Variants in FIGN observed in about 807,000 individuals in gnomAD.
FIGN encodes fidgetin, microtubule severing factor.
A neutral mutation model predicts 51.3 loss-of-function variants in FIGN; 11 were observed. The observed-to-expected ratio is 0.21, with a 90% CI of 0.13 to 0.35. The LOEUF (loss-of-function observed/expected upper bound fraction) is 0.35, where lower values mean the gene tolerates loss of function less well. Among genes scored for constraint, FIGN ranks in the 10% least tolerant of loss-of-function variants. The pLI is 1.00. For missense variants in FIGN, 857 were observed against 943.6 expected (o/e 0.91, Z 1.20); for synonymous variants, 407 against 363.2 (o/e 1.12, Z -1.37).
At chr2:163,731,197 C>T (rs1684923695) in intron 2 of FIGN, among the ~76,000 whole-genome samples, 1 of 152,088 alleles carries the variant, frequency 6.6e-6, no homozygotes, top group South Asian at 2.1e-4. Flanking sequence ...GACTCTCAAA[C>T]TTTGTGGATC....
In FIGN at chr2:163,604,687, C is replaced by T. The variant is rs999581033; in HGVS notation, c.*4865G>A. On this transcript the variant is annotated 3_prime_UTR_variant, in exon 3 of 3. Transcript: ENST00000333129. ...TTATAAAGAACAATGTTTGAATATACATCAGATGAAAAAAGAAAAAAAAGA... is the reference window on the plus strand; with the variant it reads ...TTATAAAGAACAATGTTTGAATATATATCAGATGAAAAAAGAAAAAAAAGA... 1 of 151,598 alleles carries T rather than the reference C, an allele frequency of 6.6e-6. No individual in the cohort carries two copies. Among genetic ancestry groups the T allele is most frequent in the African/African-American group, 2.4e-5 (1 of 41,290 alleles). The allele number at this position is 151,598 out of a possible 1,614,324, so 9.4% of individuals were successfully genotyped here. A position where few individuals can be genotyped will look rare whatever the true frequency, so the allele number is the denominator to read the frequency against.
chr2:163,654,484 T>G (rs1001185096), intron 2 of FIGN, among the ~76,000 whole-genome samples: 1 of 152,190 alleles, frequency 6.6e-6, no homozygotes, highest in African/African-American at 2.4e-5. Flanking sequence ...TAGATCTATT[T>G]GTGTAGGGTA....
In FIGN at chr2:163,698,023, C is replaced by T. The variant is rs147037381; in HGVS notation, c.25+36880G>A. On this transcript the variant is annotated intron_variant, in intron 2 of 2. Transcript: ENST00000333129. ...TCCCTTCCTGCTCACAGTGCACCAC[C>T]GCCATGGAGTATGCCTCAGAGAGCA... 8.9e-3 allele frequency among the ~76,000 whole-genome samples: 1,349 copies of T among 152,236 alleles called. 24 individuals are homozygous for T. Among genetic ancestry groups the T allele is most frequent in the African/African-American group, 0.031 (1,288 of 41,532 alleles).
intron 2 of FIGN, among the ~76,000 whole-genome samples, chr2:163,698,854 C>T (rs907797811): frequency 4.6e-5 from 7 of 151,990 alleles, no homozygotes; most frequent in Non-Finnish European, 1.0e-4. Context: ...TTTAAGTTCC[C>T]GTCAGTAAGA....
At chr2:163,700,522 T>A (rs1327804467) in intron 2 of FIGN, among the ~76,000 whole-genome samples, 1 of 152,084 alleles carries the variant, frequency 6.6e-6, no homozygotes, top group Non-Finnish European at 1.5e-5. Context: ...TCAGCCTGGA[T>A]GAGAGAAGAT....
intron 2 of FIGN, among the ~76,000 whole-genome samples, chr2:163,709,174 C>T (rs1684549419): frequency 6.6e-6 from 1 of 152,046 alleles, no homozygotes; most frequent in African/African-American, 2.4e-5. Flanking sequence ...GAATACATCA[C>T]CTTGCAGTAA....
chr2:163,618,605 C>T (rs764293246), intron 2 of FIGN, among the ~76,000 whole-genome samples: 5 of 151,604 alleles, frequency 3.3e-5, no homozygotes, highest in African/African-American at 4.8e-5. Context: ...TTAAAAGATC[C>T]GTCTCAAAAA....
chr2:163,690,585 G>A (rs549295585), intron 2 of FIGN, among the ~76,000 whole-genome samples: 1 of 151,520 alleles, frequency 6.6e-6, no homozygotes, highest in Non-Finnish European at 1.5e-5. Context: ...AACAATACCA[G>A]TCTAGTCTAG....
intron 2 of FIGN, among the ~76,000 whole-genome samples, chr2:163,698,964 T>C (rs1684366245): frequency 6.6e-6 from 1 of 152,184 alleles, no homozygotes; most frequent in Non-Finnish European, 1.5e-5. Context: ...TTTTTGTCTC[T>C]CTAGGCAAGG....
At chr2:163,647,374 T>C (rs1242888044) in intron 2 of FIGN, among the ~76,000 whole-genome samples, 1 of 152,176 alleles carries the variant, frequency 6.6e-6, no homozygotes, top group Non-Finnish European at 1.5e-5. Flanking sequence ...TAAGCATATA[T>C]AATCTAATGG....
intron 2 of FIGN, among the ~76,000 whole-genome samples, chr2:163,638,812 G>A (rs562552484): frequency 6.6e-6 from 1 of 151,924 alleles, no homozygotes; most frequent in Non-Finnish European, 1.5e-5. Context: ...ACCCAACCTA[G>A]AGCACATACA....
chr2:163,625,257 C>A lies in FIGN; in HGVS notation c.26-13451G>T, dbSNP rs113248707. ...AATGTATCCCAGATATAAATATATT[C>A]TTATCATTAAGAGGAAAAATGGCAT... On this transcript the variant is annotated intron_variant, in intron 2 of 2. Transcript: ENST00000333129. Among the ~76,000 whole-genome samples, 1,043 of 151,828 alleles carry A rather than the reference C, an allele frequency of 6.9e-3. 14 individuals are homozygous for A. Among genetic ancestry groups the A allele is most frequent in the African/African-American group, 0.024 (992 of 41,428 alleles).
chr2:163,727,060 T>C (rs536036627), intron 2 of FIGN, among the ~76,000 whole-genome samples: 2 of 152,150 alleles, frequency 1.3e-5, no homozygotes, highest in East Asian at 3.9e-4. Context: ...ATCATTGAGG[T>C]ATATTATTTA....
At chr2:163,660,668 TAC>T (rs1683638367) in intron 2 of FIGN, among the ~76,000 whole-genome samples, 1 of 77,256 alleles carries the variant, frequency 1.3e-5, no homozygotes, top group East Asian at 3.1e-4. Flanking sequence ...TATATACATA[TAC>T]ATATATATAT....
intron 2 of FIGN, among the ~76,000 whole-genome samples, chr2:163,633,250 A>G (rs1304306319): frequency 6.6e-6 from 1 of 152,208 alleles, no homozygotes; most frequent in Non-Finnish European, 1.5e-5. Flanking sequence ...ATGAAGTATT[A>G]AGTTCTCTAT....
At chr2:163,633,308 C>T (rs1683175394) in intron 2 of FIGN, among the ~76,000 whole-genome samples, 1 of 152,074 alleles carries the variant, frequency 6.6e-6, no homozygotes. Flanking sequence ...ACTTTTGTTC[C>T]ACTTTCTACG....
intron 2 of FIGN, among the ~76,000 whole-genome samples, chr2:163,711,301 T>G (rs1288253108): frequency 1.3e-5 from 2 of 152,168 alleles, no homozygotes; most frequent in Non-Finnish European, 2.9e-5. Context: ...ATTGAGTAAT[T>G]AAACACCTAT....
chr2:163,688,230 T>C (rs532343839), intron 2 of FIGN, among the ~76,000 whole-genome samples: 19 of 152,248 alleles, frequency 1.2e-4, no homozygotes, highest in Non-Finnish European at 1.8e-4. Flanking sequence ...CCATCACCAG[T>C]GAAATGAGTA....
At chr2:163,688,517 G>A (rs1408247962) in intron 2 of FIGN, among the ~76,000 whole-genome samples, 1 of 152,152 alleles carries the variant, frequency 6.6e-6, no homozygotes, top group Non-Finnish European at 1.5e-5. Flanking sequence ...ATCGAGAAAT[G>A]TGTGTACAGT....
Sources: gnomAD v4.1 joint callset for allele counts (sites outside exome capture counted in the v4.1 genomes callset) on GRCh38, gnomAD v4.1.1 for gene constraint, MANE v1.5 for transcripts, NCBI Gene and HGNC (gene_info 2026-07-23, HGNC 2026-07-21) for gene names.